ABCC12: variants seen among roughly 807,000 people sequenced by gnomAD.
ABCC12 encodes the protein ATP binding cassette subfamily C member 12.
A neutral mutation model predicts 151.1 loss-of-function variants in ABCC12; 142 were observed. The ratio of observed to expected loss-of-function variants is 0.94; its 90% CI spans 0.82 to 1.08. The LOEUF is 1.08. ABCC12 is among the 50% of genes least tolerant of loss of function. ABCC12 has a pLI of 0.00. For missense variants in ABCC12, 1,638 were observed against 1,691.1 expected (o/e 0.97, Z 0.55); for synonymous variants, 645 against 646.4 (o/e 1.00, Z 0.03).
intron 24 of ABCC12, 164 bp from the exon 25 acceptor site, chr16:48,091,373 T>C: frequency 1.6e-6 from 1 of 643,934 alleles, no homozygotes; most frequent in Non-Finnish European, 2.8e-6. Context: ...GAAGTAAAGA[T>C]ATTCCTGTTC....
rs1963112612 is a variant in ABCC12, at chr16:48,096,789, A to G, written c.3152T>C (p.Ile1051Thr). The G allele has an allele frequency of 6.2e-7, 1 of 1,613,948 alleles. No individual in the cohort carries two copies. Among genetic ancestry groups the G allele is most frequent in the Non-Finnish European group, 8.5e-7 (1 of 1,179,952 alleles). The change falls in exon 24 of 31, where the codon ATC (isoleucine) becomes ACC (threonine). Residue 1051 changes from isoleucine to threonine, a missense_variant. Transcript: ENST00000311303. ...ALLVTLSFSS[I>T]STSSKGLSLS... Reference sequence around the variant, plus strand: ...TGACAGGCCTTTGGATGAAGTACTGATGGAGGAGAAACTCAGGGTCACCAA... The same window carrying G: ...TGACAGGCCTTTGGATGAAGTACTGGTGGAGGAGAAACTCAGGGTCACCAA...
intron 24 of ABCC12, among the ~76,000 whole-genome samples, chr16:48,093,243 A>G (rs772086081): frequency 2.0e-4 from 31 of 152,112 alleles, no homozygotes; most frequent in Non-Finnish European, 3.8e-4. Flanking sequence ...GAATACAGGT[A>G]ATACCCCGCC....
intron 18 of ABCC12, among the ~76,000 whole-genome samples, chr16:48,110,030 G>A (rs78254237): frequency 1.3e-5 from 2 of 152,206 alleles, no homozygotes; most frequent in Non-Finnish European, 2.9e-5. Context: ...TGATGAGGAA[G>A]TGAGGAGCAG....
chr16:48,084,140 T>G, intron 29 of ABCC12, 67 bp from the exon 30 acceptor site: 10 of 1,458,546 alleles, frequency 6.9e-6, no homozygotes, highest in Non-Finnish European at 9.2e-6. Context: ...TCGGCTCTAT[T>G]TACTTTAAAA....
At chr16:48,140,428 A>T (rs1245239475) in intron 6 of ABCC12, among the ~76,000 whole-genome samples, 1 of 152,090 alleles carries the variant, frequency 6.6e-6, no homozygotes, top group Non-Finnish European at 1.5e-5. Flanking sequence ...AAGCGATTGG[A>T]TTAAGTCTCC....
intron 2 of ABCC12, among the ~76,000 whole-genome samples, chr16:48,150,703 G>A (rs1965105805): frequency 6.6e-6 from 1 of 152,104 alleles, no homozygotes; most frequent in African/African-American, 2.4e-5. Context: ...TAAATTCTTT[G>A]TTATTAGGAT....
In ABCC12 at chr16:48,152,032, A is replaced by G. The variant is rs1244102765; in HGVS notation, c.-51+1584T>C. Among the ~76,000 whole-genome samples the G allele has an allele frequency of 3.9e-5, 6 of 152,352 alleles. No individual in the cohort carries two copies. The East Asian group carries it at 1.2e-3, about 29-fold the overall frequency. On this transcript the variant is annotated intron_variant, in intron 2 of 30. Transcript: ENST00000311303. Reference sequence around the variant, plus strand: ...CCCGTGTCATGGGGCTCTATGCACCAGACTTAGGTAAGAGTCGAGACAAGG... The same window carrying G: ...CCCGTGTCATGGGGCTCTATGCACCGGACTTAGGTAAGAGTCGAGACAAGG...
Position 48,088,102 on chromosome 16 carries a change from T to C in ABCC12, c.3476-17A>G. 6.2e-7 allele frequency: 1 copy of C among 1,610,506 alleles called. No homozygotes were observed. The highest frequency in any genetic ancestry group is 8.5e-7 in the Non-Finnish European group (1 of 1,177,832). On this transcript the variant is annotated splice_polypyrimidine_tract_variant and intron_variant, in intron 26 of 30. Transcript: ENST00000311303. ...ATGACTTTCCTGGGAACCATAAAAG[T>C]AAGAACAACAAATCAAACATCAGTT...
intron 25 of ABCC12, among the ~76,000 whole-genome samples, chr16:48,089,519 CA>C (rs1468950991): frequency 6.6e-6 from 1 of 152,148 alleles, no homozygotes; most frequent in Non-Finnish European, 1.5e-5. Flanking sequence ...GGCTTCATCA[CA>C]AGAGCAGCCC....
chr16:48,146,163 T>C lies in ABCC12; in HGVS notation c.119+143A>G, dbSNP rs1964993520. ...GGCAAGGAAGTGAGTGACTGATAAA[T>C]GAATGAACGTGTGCATGGGTGGACG... On this transcript the variant is annotated intron_variant, in intron 3 of 30. Coordinates refer to ENST00000311303, the MANE Select transcript of ABCC12 (RefSeq NM_001393797.1). 8.3e-6 allele frequency: 6 copies of C among 720,514 alleles called. No homozygotes were observed. The South Asian group carries it at 8.7e-5, about 10-fold the overall frequency. The allele number at this position is 720,514 out of a possible 1,614,324, so 44.6% of individuals were successfully genotyped here.
At chr16:48,128,401 G>GTAGC in intron 11 of ABCC12, 58 bp downstream of exon 11, 1 of 1,591,170 alleles carries the variant, frequency 6.3e-7, no homozygotes, top group South Asian at 1.1e-5. Context: ...GGAGAAGGCT[G>GTAGC]TAGCTATGTA....
intron 27 of ABCC12, chr16:48,087,062 C>A (rs1405957628): frequency 1.4e-5 from 6 of 439,456 alleles, no homozygotes; most frequent in African/African-American, 1.2e-4. Context: ...ACAGGTGGAA[C>A]CCTGCCGAGA....
Position 48,091,002 on chromosome 16 carries a change from C to A in ABCC12, c.3285+118G>T, listed in dbSNP as rs986081985. ...CTGGGATTATAGGCGTAAGCCACCA[C>A]GCCCGGCCCGATTTCCGTTTTTTAA... On this transcript the variant is annotated intron_variant, in intron 25 of 30. Transcript: ENST00000311303. 14 of 996,334 alleles carry A rather than the reference C, an allele frequency of 1.4e-5. No individual in the cohort carries two copies. In the Admixed American group the frequency reaches 2.4e-4, roughly 17 times the overall value. The allele number at this position is 996,334 out of a possible 1,614,324, so 61.7% of individuals were successfully genotyped here.
chr16:48,150,552 T>G (rs1441012884), intron 2 of ABCC12, among the ~76,000 whole-genome samples: 1 of 152,186 alleles, frequency 6.6e-6, no homozygotes, highest in Non-Finnish European at 1.5e-5. Flanking sequence ...AAATATACAA[T>G]ACACAAATTC....
At chr16:48,095,242 TA>T (rs1963053976) in intron 24 of ABCC12, among the ~76,000 whole-genome samples, 1 of 152,194 alleles carries the variant, frequency 6.6e-6, no homozygotes, top group Non-Finnish European at 1.5e-5. Flanking sequence ...CTGATGATTT[TA>T]TGAGGGGTTT....
chr16:48,154,076 C>T (rs934711085), intron 1 of ABCC12, among the ~76,000 whole-genome samples, 192 bp from the exon 2 acceptor site: 5 of 152,086 alleles, frequency 3.3e-5, no homozygotes, highest in South Asian at 4.1e-4. Context: ...CAGTGCCAAC[C>T]GGGCCAGGGT....
At chr16:48,128,061 G>A (rs1964298508) in intron 11 of ABCC12, among the ~76,000 whole-genome samples, 3 of 152,280 alleles carry the variant, frequency 2.0e-5, no homozygotes, top group South Asian at 4.1e-4. Flanking sequence ...TGAGGCCGCA[G>A]TGAGTTCTGA....
chr16:48,144,923 A>G (rs943155513), intron 3 of ABCC12, among the ~76,000 whole-genome samples: 1 of 152,146 alleles, frequency 6.6e-6, no homozygotes, highest in Non-Finnish European at 1.5e-5. Flanking sequence ...TTATATGCCT[A>G]TTTCATAGAC....
At chr16:48,110,620 C>T (rs779785241) in intron 18 of ABCC12, among the ~76,000 whole-genome samples, 9 of 152,066 alleles carry the variant, frequency 5.9e-5, no homozygotes, top group South Asian at 4.2e-4. Flanking sequence ...TTCCACATCT[C>T]GTCTCCCCAC....
Sources: allele counts gnomAD v4.1 joint callset (sites outside exome capture counted in the v4.1 genomes callset), GRCh38; gene constraint gnomAD v4.1.1; transcripts MANE v1.5; gene names NCBI Gene and HGNC (gene_info 2026-07-23, HGNC 2026-07-21).